Variants in EIF3J observed in about 807,000 individuals in gnomAD.
EIF3J encodes the protein eukaryotic translation initiation factor 3 subunit J, also known as eukaryotic translation initiation factor 3, subunit 1 (alpha, 35kD).
A neutral mutation model predicts 39.0 loss-of-function variants in EIF3J; 15 were observed. The ratio of observed to expected loss-of-function variants is 0.38; its 90% CI spans 0.26 to 0.59. The LOEUF (loss-of-function observed/expected upper bound fraction) is 0.59, where lower values mean the gene tolerates loss of function less well. EIF3J is among the 20% of genes least tolerant of loss of function. The pLI, the probability that EIF3J is intolerant of heterozygous loss-of-function variation, is 0.60. For missense variants in EIF3J, 226 were observed against 308.6 expected, an observed-to-expected ratio of 0.73 and a Z score of 2.00; for synonymous variants, 98 against 112.9, an observed-to-expected ratio of 0.87 and a Z score of 0.84.
chr15:44,553,503 A>G (rs2082118468), intron 4 of EIF3J, among the ~76,000 whole-genome samples: 1 of 152,032 alleles, frequency 6.6e-6, no homozygotes, highest in Non-Finnish European at 1.5e-5. Context: ...AAAAAAAAAA[A>G]GAAAAAATAA....
chr15:44,539,735 T>TTTC (rs1555443798), intron 2 of EIF3J, among the ~76,000 whole-genome samples: 4 of 147,168 alleles, frequency 2.7e-5, no homozygotes, highest in African/African-American at 9.9e-5. Flanking sequence ...TCTTTTTCTT[T>TTTC]TTTTTTTTTT....
At chr15:44,558,943 G>A (rs1319610400) in intron 6 of EIF3J, 1 of 152,098 alleles carries the variant, frequency 6.6e-6, no homozygotes, top group Non-Finnish European at 1.5e-5. Flanking sequence ...GCTAAAAACT[G>A]GTGTCTCTTT....
intron 5 of EIF3J, 137 bp from the exon 6 acceptor site, chr15:44,557,352 C>T (rs1199802032): frequency 5.9e-6 from 3 of 510,968 alleles, no homozygotes; most frequent in Non-Finnish European, 9.4e-6. Flanking sequence ...TATCCAGTGA[C>T]TCCAGTGGCT....
chr15:44,546,649 T>C (rs74592528), intron 2 of EIF3J, among the ~76,000 whole-genome samples: 4,086 of 152,114 alleles, frequency 0.027, 94 homozygotes, highest in East Asian at 0.098. Context: ...GCTGAGACAA[T>C]GGCCAGGCTA....
Position 44,557,637 on chromosome 15 carries a change from T to C in EIF3J, c.558T>C (p.Asp186=), listed in dbSNP as rs764831946. 6.7e-7 allele frequency: 1 copy of C among 1,500,152 alleles called. No individual in the cohort carries two copies. Among genetic ancestry groups the C allele is most frequent in the East Asian group, 2.4e-5 (1 of 41,208 alleles). The allele number at this position is 1,500,152 out of a possible 1,614,324, so 92.9% of individuals were successfully genotyped here. Residue 186 remains aspartate, a synonymous_variant, in exon 6 of 8, where the codon GAT becomes GAC. Transcript: ENST00000261868. ...GTTTTTTGGAAGTCTTAGTTCGAGA[T>C]GTGTGTATTTCATGTAAGTAATTCT... is the stretch of plus-strand genomic sequence containing the variant. ...YASFLEVLVR[D]VCISLEIDDL...
At chr15:44,539,643 G>A (rs2081992278) in intron 2 of EIF3J, among the ~76,000 whole-genome samples, 4 of 149,892 alleles carry the variant, frequency 2.7e-5, no homozygotes, top group South Asian at 2.1e-4. Context: ...CTTGTGATCT[G>A]CCCGCCTTGG....
chr15:44,537,559 C>T (rs1322729737), intron 2 of EIF3J, 132 bp downstream of exon 2: 2 of 919,386 alleles, frequency 2.2e-6, no homozygotes, highest in African/African-American at 3.5e-5. Flanking sequence ...TGGCGGTGCT[C>T]TCTTCCCCTC....
rs117671878 is a variant in EIF3J, at chr15:44,557,017, A to G, written c.410-472A>G. Among the ~76,000 whole-genome samples, 192 of 152,312 alleles carry G rather than the reference A, an allele frequency of 1.3e-3. 2 individuals are homozygous for G. The East Asian group carries it at 0.033, about 26-fold the overall frequency. Reference sequence around the variant, plus strand: ...TACTTATTTATAAAGAAAACCTGTTATATATAAATAGATGTCAAAATACTA... The same window carrying G: ...TACTTATTTATAAAGAAAACCTGTTGTATATAAATAGATGTCAAAATACTA... On this transcript the variant is annotated intron_variant, in intron 5 of 7. Transcript: ENST00000261868.
intron 2 of EIF3J, among the ~76,000 whole-genome samples, chr15:44,547,232 C>G (rs1448963579): frequency 6.6e-6 from 1 of 152,136 alleles, no homozygotes; most frequent in Admixed American, 6.6e-5. Flanking sequence ...CAGCCTCTGT[C>G]TCCTGGGTTC....
Position 44,562,110 on chromosome 15 carries a change from G to C in EIF3J, c.*961G>C, listed in dbSNP as rs1058919. On this transcript the variant is annotated 3_prime_UTR_variant, in exon 8 of 8. Coordinates refer to ENST00000261868, the MANE Select transcript of EIF3J (RefSeq NM_003758.4). ...TTAAATTTTGTGTTACCTCCCAAGAGATACTTTTTGAGAGTATAGAACACA... is the reference window on the plus strand; with the variant it reads ...TTAAATTTTGTGTTACCTCCCAAGACATACTTTTTGAGAGTATAGAACACA... The C allele has an allele frequency of 6.6e-6, 1 of 152,624 alleles. No individual in the cohort carries two copies. Among genetic ancestry groups the C allele is most frequent in the Admixed American group, 6.5e-5 (1 of 15,276 alleles). The allele number at this position is 152,624 out of a possible 1,614,324, so 9.5% of individuals were successfully genotyped here.
intron 4 of EIF3J, among the ~76,000 whole-genome samples, chr15:44,553,175 G>C (rs1438792696): frequency 2.7e-5 from 4 of 149,764 alleles, no homozygotes; most frequent in Non-Finnish European, 5.9e-5. Context: ...GACAGAGCAA[G>C]ATCCTGCCTC....
chr15:44,544,982 G>A (rs1481600271), intron 2 of EIF3J, among the ~76,000 whole-genome samples: 3 of 149,974 alleles, frequency 2.0e-5, no homozygotes, highest in Admixed American at 1.3e-4. Context: ...CCAGCCTGGC[G>A]ACACAGTGAG....
chr15:44,549,949 G>A (rs1189747594), intron 2 of EIF3J, among the ~76,000 whole-genome samples: 1 of 148,160 alleles, frequency 6.7e-6, no homozygotes, highest in African/African-American at 2.5e-5. Context: ...AAGAAACTCC[G>A]TCTCAAAAAA....
chr15:44,561,059 A>C lies in EIF3J; in HGVS notation c.687A>C (p.Gly229=). Residue 229 remains glycine, a synonymous_variant, in exon 8 of 8, where the codon GGA becomes GGC. Transcript: ENST00000261868. The part of the protein sequence containing the change: ...AKKKKKGVVP[G]GGLKATMKDD... ...AGAAGAAGAAAGGTGTGGTTCCTGG[A>C]GGGGGATTAAAAGCCACCATGAAAG... is the stretch of plus-strand genomic sequence containing the variant. The C allele has an allele frequency of 6.2e-7, 1 of 1,613,730 alleles. No individual in the cohort carries two copies. The highest frequency in any genetic ancestry group is 8.5e-7 in the Non-Finnish European group (1 of 1,179,814).
chr15:44,540,269 T>TATATATATATATATA (rs1567115256), intron 2 of EIF3J, among the ~76,000 whole-genome samples: 1 of 38,088 alleles, frequency 2.6e-5, no homozygotes, highest in African/African-American at 9.2e-5. Context: ...ATATATATAT[T>TATATATATATATATA]TTTTTTTTTT....
Position 44,561,003 on chromosome 15 carries a change from C to G in EIF3J, c.646-15C>G, listed in dbSNP as rs767112703. The G allele has an allele frequency of 6.2e-7, 1 of 1,612,120 alleles. No homozygotes were observed. Among genetic ancestry groups the G allele is most frequent in the Non-Finnish European group, 8.5e-7 (1 of 1,179,446 alleles). ...GCACACTAAGGTTCATGAATTAACT[C>G]TCTTTCATCTTTAGCAAAGCAAAGC... On this transcript the variant is annotated splice_polypyrimidine_tract_variant and intron_variant, in intron 7 of 7. Coordinates refer to ENST00000261868, the MANE Select transcript of EIF3J (RefSeq NM_003758.4).
intron 6 of EIF3J, 197 bp downstream of exon 6, chr15:44,557,847 G>A (rs2082157955): frequency 5.7e-6 from 2 of 350,450 alleles, no homozygotes; most frequent in South Asian, 2.4e-4. Context: ...TGTTTGTAGG[G>A]GTAAGAGGAC....
intron 5 of EIF3J, 140 bp from the exon 6 acceptor site, chr15:44,557,349 T>G: frequency 2.0e-6 from 1 of 498,450 alleles, no homozygotes; most frequent in Non-Finnish European, 3.2e-6. Flanking sequence ...TTCTATCCAG[T>G]GACTCCAGTG....
intron 2 of EIF3J, 61 bp from the exon 3 acceptor site, chr15:44,550,815 A>G (rs2140897217): frequency 5.1e-6 from 6 of 1,173,000 alleles, no homozygotes; most frequent in East Asian, 2.4e-5. Flanking sequence ...TCAAGTTGAT[A>G]ATAAAGTTCA....
Sources: gnomAD v4.1 joint callset for allele counts (sites outside exome capture counted in the v4.1 genomes callset) on GRCh38, gnomAD v4.1.1 for gene constraint, MANE v1.5 for transcripts, NCBI Gene and HGNC (gene_info 2026-07-23, HGNC 2026-07-21) for gene names.